Variants in CBLB observed in about 807,000 individuals in gnomAD.
CBLB encodes the protein E3 ubiquitin-protein ligase CBL-B.
Under a neutral mutation model 104.9 loss-of-function variants are expected in CBLB, and 31 were observed. The observed-to-expected ratio is 0.30, with a 90% CI of 0.22 to 0.40. The LOEUF (loss-of-function observed/expected upper bound fraction) is 0.40, where lower values mean the gene tolerates loss of function less well. Ranked by LOEUF, CBLB falls within the 10% of genes least tolerant of loss-of-function variation. The pLI is 1.00. For synonymous variants in CBLB, 440 were observed against 422.6 expected (o/e 1.04, Z -0.51); for missense variants, 1,062 against 1,214.6 (o/e 0.87, Z 1.87).
At chr3:105,806,919 T>C (rs751269576) in intron 3 of CBLB, among the ~76,000 whole-genome samples, 38 of 152,214 alleles carry the variant, frequency 2.5e-4, no homozygotes, top group Non-Finnish European at 4.7e-4. Flanking sequence ...TTTAAGCAAT[T>C]CATTTTTGTT....
chr3:105,775,990 C>G (rs2079411208), intron 4 of CBLB, among the ~76,000 whole-genome samples: 1 of 152,270 alleles, frequency 6.6e-6, no homozygotes, highest in Non-Finnish European at 1.5e-5. Flanking sequence ...CCCAAAGCAA[C>G]TATTCCCTTC....
chr3:105,687,244 A>G (rs948834529), intron 13 of CBLB, among the ~76,000 whole-genome samples: 3 of 152,158 alleles, frequency 2.0e-5, no homozygotes, highest in Admixed American at 6.5e-5. Flanking sequence ...CAACTATTCA[A>G]TATCAGAAAT....
intron 3 of CBLB, among the ~76,000 whole-genome samples, chr3:105,853,099 C>T (rs1187458226): frequency 6.6e-6 from 1 of 152,110 alleles, no homozygotes; most frequent in Non-Finnish European, 1.5e-5. Flanking sequence ...TTACAACTGC[C>T]CACAGTATTC....
chr3:105,702,689 G>A (rs754818230), intron 11 of CBLB, among the ~76,000 whole-genome samples: 15 of 151,968 alleles, frequency 9.9e-5, no homozygotes, highest in Non-Finnish European at 1.8e-4. Flanking sequence ...AAGTAGAAAT[G>A]AGTACATAAA....
At chr3:105,786,677 C>T (rs1393504794) in intron 3 of CBLB, among the ~76,000 whole-genome samples, 1 of 152,186 alleles carries the variant, frequency 6.6e-6, no homozygotes, top group Non-Finnish European at 1.5e-5. Context: ...CTTAAATCCA[C>T]AGTCTAAAAT....
chr3:105,702,592 G>A, intron 11 of CBLB, 133 bp from the exon 12 acceptor site: 1 of 912,160 alleles, frequency 1.1e-6, no homozygotes, highest in Non-Finnish European at 1.6e-6. Flanking sequence ...CTAGATTCCT[G>A]TGCCATCTTT....
chr3:105,663,881 T>C (rs1390441152), intron 18 of CBLB, among the ~76,000 whole-genome samples: 2 of 144,576 alleles, frequency 1.4e-5, no homozygotes, highest in Non-Finnish European at 3.0e-5. Context: ...ACTTTCATTA[T>C]TGCTGGGGAC....
intron 9 of CBLB, among the ~76,000 whole-genome samples, chr3:105,733,607 T>A (rs906233192): frequency 7.9e-5 from 12 of 152,138 alleles, no homozygotes; most frequent in Admixed American, 2.6e-4. Context: ...GAACCATGCC[T>A]CCTCAGGAGT....
chr3:105,832,748 G>C (rs547833026), intron 3 of CBLB, among the ~76,000 whole-genome samples: 2 of 152,308 alleles, frequency 1.3e-5, no homozygotes, highest in African/African-American at 4.8e-5. Context: ...TGTAGCTCAA[G>C]ATGAGTGCAT....
chr3:105,795,722 C>G (rs775518094), intron 3 of CBLB, among the ~76,000 whole-genome samples: 11 of 152,068 alleles, frequency 7.2e-5, no homozygotes, highest in Non-Finnish European at 1.6e-4. Flanking sequence ...TGGTGAATAC[C>G]ATAACACTGT....
Position 105,776,404 on chromosome 3 carries a change from A to G in CBLB, c.558T>C (p.Phe186=). The change falls in exon 4 of 19, where the codon TTT becomes TTC. Residue 186 remains phenylalanine (F), a synonymous_variant. Coordinates refer to ENST00000394030, the MANE Select transcript of CBLB (RefSeq NM_170662.5). ...AAATGATTTTTACTTACTTGTCTCCAAAAAACTTTCTCCAGAATTCAGCAG... is the reference window on the plus strand; with the variant it reads ...AAATGATTTTTACTTACTTGTCTCCGAAAAACTTTCTCCAGAATTCAGCAG... The part of the protein sequence containing the change: ...ADAAEFWRKF[F]GDKTIVPWKV... 1 of 1,613,402 alleles carries G rather than the reference A, an allele frequency of 6.2e-7. No homozygotes were observed. Among genetic ancestry groups the G allele is most frequent in the Non-Finnish European group, 8.5e-7 (1 of 1,179,676 alleles).
chr3:105,657,653 AG>A lies in CBLB; in HGVS notation c.*1316del. 1 of 203,600 alleles carries A rather than the reference AG, an allele frequency of 4.9e-6. No homozygotes were observed. Among genetic ancestry groups the A allele is most frequent in the Middle Eastern group, 1.6e-3 (1 of 608 alleles). 12.6% of individuals were successfully genotyped at this position (203,600 alleles called of 1,614,324 possible). On this transcript the variant is annotated 3_prime_UTR_variant, in exon 19 of 19. Coordinates refer to ENST00000394030, the MANE Select transcript of CBLB (RefSeq NM_170662.5). ...TCATAGATGCTCAATAAATATTTGTAGATTTATTAAGAGTAATAACATGGTG... is the reference window on the plus strand; with the variant it reads ...TCATAGATGCTCAATAAATATTTGTAATTTATTAAGAGTAATAACATGGTG...
At chr3:105,765,569 T>C (rs2152940121) in intron 4 of CBLB, among the ~76,000 whole-genome samples, 1 of 152,254 alleles carries the variant, frequency 6.6e-6, no homozygotes, top group South Asian at 2.1e-4. Flanking sequence ...TAGTGGCCAA[T>C]AAAAGTGATG....
chr3:105,785,589 A>C (rs1270603642), intron 3 of CBLB, among the ~76,000 whole-genome samples: 9 of 152,290 alleles, frequency 5.9e-5, no homozygotes, highest in Non-Finnish European at 1.3e-4. Context: ...GTTCCCTGAC[A>C]GTTCCTTCCT....
chr3:105,659,302 TTA>T (rs2063556418), intron 18 of CBLB, 73 bp from the exon 19 acceptor site: 1 of 1,349,888 alleles, frequency 7.4e-7, no homozygotes, highest in Non-Finnish European at 1.1e-6. Flanking sequence ...CATAACAGCA[TTA>T]TCTCATTTCC....
intron 3 of CBLB, among the ~76,000 whole-genome samples, chr3:105,784,668 C>T (rs1269427207): frequency 1.3e-5 from 2 of 152,122 alleles, no homozygotes; most frequent in Non-Finnish European, 2.9e-5. Flanking sequence ...CTCAAAAAGA[C>T]ATAATTGATC....
At chr3:105,795,585 C>T (rs573468612) in intron 3 of CBLB, among the ~76,000 whole-genome samples, 1 of 152,256 alleles carries the variant, frequency 6.6e-6, no homozygotes, top group African/African-American at 2.4e-5. Context: ...AGCTCATGAC[C>T]ACAGGAGAGG....
At chr3:105,722,672 T>C (rs1404899597) in intron 9 of CBLB, among the ~76,000 whole-genome samples, 2 of 152,208 alleles carry the variant, frequency 1.3e-5, no homozygotes, top group Non-Finnish European at 2.9e-5. Context: ...CTACGTAAGT[T>C]TCTCTTTGAA....
chr3:105,848,698 T>C (rs961286975), intron 3 of CBLB, among the ~76,000 whole-genome samples: 4 of 152,144 alleles, frequency 2.6e-5, no homozygotes, highest in Admixed American at 6.6e-5. Flanking sequence ...CAGAATCACA[T>C]GAAGTAATAC....
Sources: gnomAD v4.1 joint callset for allele counts (sites outside exome capture counted in the v4.1 genomes callset) on GRCh38, gnomAD v4.1.1 for gene constraint, MANE v1.5 for transcripts, NCBI Gene and HGNC (gene_info 2026-07-23, HGNC 2026-07-21) for gene names.